Variants in PDE10A observed in about 807,000 individuals in gnomAD.
PDE10A encodes phosphodiesterase 10A, also known as cAMP and cAMP-inhibited cGMP 3',5'-cyclic phosphodiesterase 10A.
PDE10A carries 39 observed loss-of-function variants against 97.7 expected under a neutral mutation model. That is an observed-to-expected ratio of 0.40 (90% confidence interval 0.31 to 0.52). PDE10A has a LOEUF of 0.52. Ranked by LOEUF, PDE10A falls within the 20% of genes least tolerant of loss-of-function variation. The pLI, the probability that PDE10A is intolerant of heterozygous loss-of-function variation, is 0.56. For synonymous variants in PDE10A, 371 were observed against 376.8 expected (o/e 0.98, Z 0.18); for missense variants, 731 against 1,047.8 (o/e 0.70, Z 4.17).
intron 2 of PDE10A, among the ~76,000 whole-genome samples, chr6:165,513,354 GATTT>G (rs1226777984): frequency 6.6e-6 from 1 of 152,056 alleles, no homozygotes; most frequent in Non-Finnish European, 1.5e-5. Flanking sequence ...ACCGTGTACA[GATTT>G]ATTTCTGGAC....
intron 1 of PDE10A, among the ~76,000 whole-genome samples, chr6:165,958,765 G>GAAAGAAAGAAAGAAAGA (rs758615555): frequency 6.9e-6 from 1 of 145,090 alleles, no homozygotes; most frequent in African/African-American, 2.6e-5. Flanking sequence ...AAGAAAGAAA[G>GAAAGAAAGAAAGAAAGA]AAGAAAGCAA....
At chr6:165,595,520 C>T (rs574048890) in intron 1 of PDE10A, among the ~76,000 whole-genome samples, 1 of 152,268 alleles carries the variant, frequency 6.6e-6, no homozygotes, top group East Asian at 1.9e-4. Flanking sequence ...ATTATCAGGG[C>T]CTCAAATGAA....
At chr6:165,875,422 T>G (rs1392756765) in intron 1 of PDE10A, among the ~76,000 whole-genome samples, 2 of 152,368 alleles carry the variant, frequency 1.3e-5, no homozygotes, top group African/African-American at 4.8e-5. Flanking sequence ...TTTTTATTGC[T>G]GCCCAGCTTT....
At chr6:165,682,308 T>C (rs1003493149) in intron 1 of PDE10A, among the ~76,000 whole-genome samples, 8 of 152,122 alleles carry the variant, frequency 5.3e-5, no homozygotes, top group African/African-American at 1.9e-4. Context: ...ATTTTTTACA[T>C]TTTTTGGTAG....
At chr6:165,752,532 ATATGT>A (rs1207369912) in intron 1 of PDE10A, among the ~76,000 whole-genome samples, 1 of 152,240 alleles carries the variant, frequency 6.6e-6, no homozygotes. Context: ...ATGTCATAAC[ATATGT>A]TATGTTATGA....
intron 1 of PDE10A, among the ~76,000 whole-genome samples, chr6:165,956,656 G>A (rs901656185): frequency 6.6e-6 from 1 of 152,170 alleles, no homozygotes; most frequent in African/African-American, 2.4e-5. Context: ...ACCAGATCCT[G>A]CCTTTTCCTA....
At chr6:165,804,018 C>G (rs1779049629) in intron 1 of PDE10A, among the ~76,000 whole-genome samples, 1 of 152,140 alleles carries the variant, frequency 6.6e-6, no homozygotes, top group African/African-American at 2.4e-5. Context: ...AATGAGCGAG[C>G]CACCGTTTTT....
intron 2 of PDE10A, among the ~76,000 whole-genome samples, chr6:165,498,470 G>C (rs374811045): frequency 1.5e-5 from 1 of 68,230 alleles, no homozygotes; most frequent in South Asian, 5.6e-4. Flanking sequence ...AAAAAAATCA[G>C]TAACAGAGTA....
At chr6:165,987,475 A>C (rs987119058) in intron 1 of PDE10A, 25 of 347,110 alleles carry the variant, frequency 7.2e-5, no homozygotes, top group Admixed American at 7.9e-5. Context: ...ATTGGGACTA[A>C]GTTTTTCTGG....
chr6:165,405,303 T>C (rs931544572), intron 13 of PDE10A, among the ~76,000 whole-genome samples: 1 of 152,166 alleles, frequency 6.6e-6, no homozygotes, highest in Non-Finnish European at 1.5e-5. Flanking sequence ...GGTACCTCTA[T>C]AGGCTCTTCC....
chr6:165,562,677 T>C (rs941380818), intron 1 of PDE10A, among the ~76,000 whole-genome samples: 4 of 152,164 alleles, frequency 2.6e-5, no homozygotes, highest in Non-Finnish European at 4.4e-5. Flanking sequence ...CATGTTATAG[T>C]AGGTTAGCAG....
intron 1 of PDE10A, among the ~76,000 whole-genome samples, chr6:165,546,217 C>T (rs1783731234): frequency 6.6e-6 from 1 of 151,972 alleles, no homozygotes; most frequent in Non-Finnish European, 1.5e-5. Context: ...AAGGCATAAG[C>T]TGCAGAGGTA....
Position 165,546,700 on chromosome 6 carries a change from T to C in PDE10A, c.866-3132A>G, listed in dbSNP as rs185747446. On this transcript the variant is annotated intron_variant, in intron 1 of 21. Coordinates refer to ENST00000539869, the MANE Select transcript of PDE10A (RefSeq NM_001385079.1). ...GTCAATTAAACAAATGAGTGGTAGA[T>C]GGTGGGGACAAGATTTCTCAATGGT... Among the ~76,000 whole-genome samples the C allele has an allele frequency of 1.1e-4, 16 of 152,182 alleles. No homozygotes were observed. The East Asian group carries it at 2.9e-3, about 28-fold the overall frequency.
At chr6:165,558,369 C>G (rs112422283) in intron 1 of PDE10A, among the ~76,000 whole-genome samples, 1 of 152,006 alleles carries the variant, frequency 6.6e-6, no homozygotes, top group African/African-American at 2.4e-5. Context: ...AAACCAAACA[C>G]CATATGTTCT....
intron 1 of PDE10A, among the ~76,000 whole-genome samples, chr6:165,913,959 G>A (rs1028726374): frequency 7.2e-5 from 11 of 152,140 alleles, no homozygotes; most frequent in Non-Finnish European, 1.0e-4. Context: ...CAGGACATAA[G>A]GGTTTCTTGA....
At chr6:165,619,379 G>A (rs1447043277) in intron 1 of PDE10A, among the ~76,000 whole-genome samples, 15 of 101,848 alleles carry the variant, frequency 1.5e-4, no homozygotes, top group Admixed American at 2.0e-4. Context: ...GTGGTGTAGT[G>A]TAGTCTAGTA....
intron 2 of PDE10A, among the ~76,000 whole-genome samples, chr6:165,498,958 A>G (rs1022025133): frequency 2.0e-5 from 3 of 152,232 alleles, no homozygotes; most frequent in Non-Finnish European, 2.9e-5. Flanking sequence ...CATTCCACTT[A>G]TCTGACATTA....
chr6:165,756,602 G>A (rs900629004), intron 1 of PDE10A, among the ~76,000 whole-genome samples: 12 of 152,042 alleles, frequency 7.9e-5, no homozygotes, highest in African/African-American at 2.7e-4. Context: ...GTAACTGCAC[G>A]GATGGCCAAT....
At chr6:165,733,250 A>G (rs1433671734) in intron 1 of PDE10A, among the ~76,000 whole-genome samples, 2 of 152,172 alleles carry the variant, frequency 1.3e-5, no homozygotes, top group East Asian at 3.8e-4. Context: ...TATTGTATTA[A>G]AGGTATTCCC....
Sources: allele counts gnomAD v4.1 joint callset (sites outside exome capture counted in the v4.1 genomes callset), GRCh38; gene constraint gnomAD v4.1.1; transcripts MANE v1.5; gene names NCBI Gene and HGNC (gene_info 2026-07-23, HGNC 2026-07-21).